ATP6V0A1: variants seen among roughly 807,000 people sequenced by gnomAD.
ATP6V0A1 encodes V-type proton ATPase 116 kDa subunit a 1.
A neutral mutation model predicts 105.4 loss-of-function variants in ATP6V0A1; 43 were observed. The ratio of observed to expected loss-of-function variants is 0.41; its 90% CI spans 0.32 to 0.53. The LOEUF (loss-of-function observed/expected upper bound fraction) is 0.53. ATP6V0A1 is among the 20% of genes least tolerant of loss of function. The probability of loss-of-function intolerance (pLI) is 0.30; values close to 1 mark genes in which losing one functional copy is unlikely to be tolerated. For synonymous variants in ATP6V0A1, 362 were observed against 372.8 expected, an observed-to-expected ratio of 0.97 and a Z score of 0.33; for missense variants, 676 against 1,051.1, an observed-to-expected ratio of 0.64 and a Z score of 4.93.
intron 14 of ATP6V0A1, among the ~76,000 whole-genome samples, chr17:42,497,133 T>G (rs1224298124): frequency 6.6e-6 from 1 of 150,602 alleles, no homozygotes; most frequent in Non-Finnish European, 1.5e-5. Context: ...TGAAACCCCA[T>G]CTCTACCAGA....
At chr17:42,459,816 CAGATTTCTCAAA>C (rs2086196986) in intron 1 of ATP6V0A1, among the ~76,000 whole-genome samples, 1 of 152,186 alleles carries the variant, frequency 6.6e-6, no homozygotes, top group Non-Finnish European at 1.5e-5. Flanking sequence ...TTTGTTCGTT[CAGATTTCTCAAA>C]ATGTCTCCCA....
intron 5 of ATP6V0A1, 111 bp downstream of exon 5, chr17:42,470,329 A>G (rs1328122835): frequency 3.1e-6 from 4 of 1,301,958 alleles, no homozygotes; most frequent in Non-Finnish European, 3.2e-6. Flanking sequence ...AAGCAATGCC[A>G]TTTTTGCACC....
Position 42,490,654 on chromosome 17 carries a change from T to C in ATP6V0A1, c.1174+17T>C. ...TAAATCCAGGTAAAAAAAAGCTTGT[T>C]ATCTTTTTCCTCTAGAGTTTTTTTT... On this transcript the variant is annotated intron_variant, in intron 11 of 21. Transcript: ENST00000343619. 6.3e-7 allele frequency: 1 copy of C among 1,575,604 alleles called. No individual in the cohort carries two copies. Among genetic ancestry groups the C allele is most frequent in the South Asian group, 1.2e-5 (1 of 84,764 alleles).
At chr17:42,511,547 G>A (rs2146268358) in intron 19 of ATP6V0A1, 1 of 152,262 alleles carries the variant, frequency 6.6e-6, no homozygotes, top group South Asian at 2.1e-4. Flanking sequence ...AACCTCGATG[G>A]AGACTAAAAA....
rs769677289 is a variant in ATP6V0A1, at chr17:42,500,715, A to G, written c.1688A>G (p.Lys563Arg). The G allele has an allele frequency of 9.3e-6, 15 of 1,612,588 alleles. No homozygotes were observed. Among genetic ancestry groups the G allele is most frequent in the Admixed American group, 8.3e-5 (5 of 59,986 alleles). ...SLSLFNHIYF[K>R]KPLNIYFGFI... ...TTCTCTCTCCTTTTTAGCTATTTCA[A>G]GAAGCCCCTGAATATCTACTTTGGA... Residue 563 changes from lysine to arginine, a missense_variant, in exon 16 of 22, where the codon AAG becomes AGG. This residue lies in a region of ATP6V0A1 where 435 missense variants were observed against 642.2 expected (regional missense o/e 0.68). Coordinates refer to ENST00000343619, the MANE Select transcript of ATP6V0A1 (RefSeq NM_001130021.3).
At chr17:42,494,250 G>T (rs1012841623) in intron 11 of ATP6V0A1, 84 bp from the exon 12 acceptor site, 2 of 1,373,532 alleles carry the variant, frequency 1.5e-6, no homozygotes, top group Admixed American at 2.2e-5. Context: ...AAAAAGGGGG[G>T]TGGGTATGGA....
intron 5 of ATP6V0A1, among the ~76,000 whole-genome samples, chr17:42,476,131 A>G (rs1450931926): frequency 1.3e-5 from 2 of 152,234 alleles, no homozygotes; most frequent in Non-Finnish European, 2.9e-5. Context: ...GATTGCAAGT[A>G]GAAACCGAAA....
intron 6 of ATP6V0A1, among the ~76,000 whole-genome samples, 174 bp from the exon 7 acceptor site, chr17:42,478,289 A>G (rs2089021591): frequency 1.3e-5 from 2 of 152,106 alleles, no homozygotes; most frequent in South Asian, 4.1e-4. Flanking sequence ...GCAGCACACC[A>G]ACATGGCACA....
intron 2 of ATP6V0A1, among the ~76,000 whole-genome samples, 195 bp from the exon 3 acceptor site, chr17:42,466,234 G>A (rs952531099): frequency 5.3e-5 from 8 of 152,188 alleles, no homozygotes; most frequent in African/African-American, 1.9e-4. Flanking sequence ...TTGCAGCAAC[G>A]AGGGAGGAAG....
chr17:42,498,430 A>G (rs34877463), intron 14 of ATP6V0A1, among the ~76,000 whole-genome samples: 1 of 152,008 alleles, frequency 6.6e-6, no homozygotes, highest in Non-Finnish European at 1.5e-5. Context: ...AAAAAAAAAA[A>G]TTTTGTCGAA....
chr17:42,487,403 C>T (rs980573038), intron 10 of ATP6V0A1, 36 bp downstream of exon 10: 11 of 1,600,284 alleles, frequency 6.9e-6, no homozygotes, highest in Middle Eastern at 2.0e-4. Flanking sequence ...GCTCGTGGCC[C>T]GGAAGAGAGG....
chr17:42,494,908 C>A, intron 12 of ATP6V0A1, 126 bp from the exon 13 acceptor site: 2 of 1,075,992 alleles, frequency 1.9e-6, no homozygotes, highest in Non-Finnish European at 2.7e-6. Flanking sequence ...GTTTTTACTT[C>A]AAGCTCTCTG....
At chr17:42,477,610 A>G (rs370570061) in intron 5 of ATP6V0A1, 50 bp from the exon 6 acceptor site, 2 of 1,595,534 alleles carry the variant, frequency 1.3e-6, no homozygotes, top group Admixed American at 1.7e-5. Context: ...AACTATTTTC[A>G]TTAGATATTA....
chr17:42,497,595 C>G (rs986022347), intron 14 of ATP6V0A1, among the ~76,000 whole-genome samples: 2 of 151,626 alleles, frequency 1.3e-5, no homozygotes, highest in Non-Finnish European at 2.9e-5. Flanking sequence ...ATTGCTTGAA[C>G]CCAGGAGGCA....
At chr17:42,519,380 C>T (rs1488805958) in intron 21 of ATP6V0A1, 2 of 152,274 alleles carry the variant, frequency 1.3e-5, no homozygotes, top group African/African-American at 4.8e-5. Flanking sequence ...TCAGCATACC[C>T]TACCAAGGCT....
At chr17:42,469,876 A>G (rs1388306392) in intron 4 of ATP6V0A1, among the ~76,000 whole-genome samples, 1 of 152,180 alleles carries the variant, frequency 6.6e-6, no homozygotes, top group Non-Finnish European at 1.5e-5. Context: ...TCCTGACCTC[A>G]AGTGATCCAC....
At chr17:42,484,032 TTTTTTTG>T (rs1166027430) in intron 9 of ATP6V0A1, among the ~76,000 whole-genome samples, 11 of 152,124 alleles carry the variant, frequency 7.2e-5, no homozygotes, top group South Asian at 2.1e-4. Context: ...CTGAGATAGT[TTTTTTTG>T]TTTTTTGTTT....
intron 11 of ATP6V0A1, among the ~76,000 whole-genome samples, chr17:42,493,677 G>C (rs2090884671): frequency 6.6e-6 from 1 of 152,034 alleles, no homozygotes; most frequent in Non-Finnish European, 1.5e-5. Flanking sequence ...AACTGGGCAT[G>C]GTGGCACATA....
At chr17:42,460,232 A>G (rs1343999506) in intron 1 of ATP6V0A1, 1 of 152,268 alleles carries the variant, frequency 6.6e-6, no homozygotes, top group Non-Finnish European at 1.5e-5. Flanking sequence ...TGAGCTTAAT[A>G]TGCAAACTGG....
Sources: allele counts gnomAD v4.1 joint callset (sites outside exome capture counted in the v4.1 genomes callset), GRCh38; gene constraint gnomAD v4.1.1; regional missense constraint gnomAD v4.1.1; transcripts MANE v1.5; gene names NCBI Gene and HGNC (gene_info 2026-07-23, HGNC 2026-07-21).